Variants in ATP2B2 observed in about 807,000 individuals in gnomAD.
ATP2B2 encodes ATPase plasma membrane Ca2+ transporting 2, also known as plasma membrane calcium-transporting ATPase 2.
Under a neutral mutation model 120.0 loss-of-function variants are expected in ATP2B2, and 15 were observed. The observed-to-expected ratio is 0.12, with a 90% CI of 0.08 to 0.19. ATP2B2 has a LOEUF of 0.19. ATP2B2 is among the 10% of genes least tolerant of loss of function. The probability of loss-of-function intolerance (pLI) is 1.00; values close to 1 mark genes in which losing one functional copy is unlikely to be tolerated. For synonymous variants in ATP2B2, 694 were observed against 700.3 expected (o/e 0.99, Z 0.14); for missense variants, 1,045 against 1,719.8 (o/e 0.61, Z 6.94).
chr3:10,374,997 C>T (rs1250852621), intron 11 of ATP2B2, among the ~76,000 whole-genome samples: 5 of 152,164 alleles, frequency 3.3e-5, no homozygotes, highest in African/African-American at 9.7e-5. Flanking sequence ...CAGACTTCTA[C>T]GTAAATTTGG....
chr3:10,410,714 C>T lies in ATP2B2; in HGVS notation c.301G>A (p.Glu101Lys), dbSNP rs1559301935. Residue 101 changes from glutamate to lysine, a missense_variant, in exon 3 of 23, where the codon GAG becomes AAG. Around this residue, in one of 11 missense-constraint regions of ATP2B2, gnomAD observed 139 missense variants for 134.2 expected, o/e 1.04. Transcript: ENST00000360273. The stretch of plus-strand genomic sequence containing the variant: ...ATGAGCGTCACGTCCTGCAGCGCCT[C>T]CCACACGAGCTGCAGGAAGGTTTTT... ...KPKTFLQLVW[E>K]ALQDVTLIIL... 1 of 1,614,198 alleles carries T rather than the reference C, an allele frequency of 6.2e-7. No homozygotes were observed. Among genetic ancestry groups the T allele is most frequent in the Non-Finnish European group, 8.5e-7 (1 of 1,180,034 alleles).
chr3:10,400,846 G>A, intron 5 of ATP2B2, 107 bp downstream of exon 5: 2 of 1,547,432 alleles, frequency 1.3e-6, no homozygotes, highest in South Asian at 1.1e-5. Flanking sequence ...GGAGATACCA[G>A]AGCCAAGGAT....
chr3:10,638,168 CAG>C (rs1367739928), intron 1 of ATP2B2, among the ~76,000 whole-genome samples: 15 of 152,158 alleles, frequency 9.9e-5, no homozygotes, highest in Middle Eastern at 3.4e-3. Flanking sequence ...AGGAAAATAA[CAG>C]ATGGAAATAC....
intron 1 of ATP2B2, among the ~76,000 whole-genome samples, chr3:10,478,134 G>A (rs576798881): frequency 6.6e-6 from 1 of 152,324 alleles, no homozygotes; most frequent in South Asian, 2.1e-4. Context: ...TAGTGGTGCT[G>A]AGCATTTTTC....
At chr3:10,400,734 C>T (rs547654220) in intron 5 of ATP2B2, among the ~76,000 whole-genome samples, 5 of 152,298 alleles carry the variant, frequency 3.3e-5, no homozygotes, top group East Asian at 3.9e-4. Context: ...CTATTTTATT[C>T]GCCGCAGTCT....
At chr3:10,646,155 T>C (rs1172013977) in intron 1 of ATP2B2, among the ~76,000 whole-genome samples, 1 of 152,206 alleles carries the variant, frequency 6.6e-6, no homozygotes, top group East Asian at 1.9e-4. Flanking sequence ...CCTGTACAAA[T>C]TGTCTATTTG....
intron 2 of ATP2B2, among the ~76,000 whole-genome samples, chr3:10,546,994 C>T (rs979399557): frequency 1.3e-5 from 2 of 152,218 alleles, no homozygotes; most frequent in Non-Finnish European, 2.9e-5. Flanking sequence ...CCATCTGCCA[C>T]ACACCAACTC....
chr3:10,695,818 T>C (rs150953171), intron 1 of ATP2B2, among the ~76,000 whole-genome samples: 24 of 152,350 alleles, frequency 1.6e-4, no homozygotes, highest in Non-Finnish European at 2.9e-4. Flanking sequence ...GTTTGTCACA[T>C]AGCAATTGCT....
At chr3:10,333,676 C>T (rs1269558560) in intron 22 of ATP2B2, among the ~76,000 whole-genome samples, 4 of 152,124 alleles carry the variant, frequency 2.6e-5, no homozygotes. Flanking sequence ...CAGGAGGCAC[C>T]CAGAATTACA....
chr3:10,663,034 T>C (rs1018716194), intron 1 of ATP2B2, among the ~76,000 whole-genome samples: 2 of 135,574 alleles, frequency 1.5e-5, no homozygotes, highest in African/African-American at 2.8e-5. Context: ...TAGGTGGGAA[T>C]TGAACAATGA....
In ATP2B2 at chr3:10,375,205, G is replaced by A. The variant is rs995779318; in HGVS notation, c.1416+225C>T. Among the ~76,000 whole-genome samples the A allele has an allele frequency of 6.6e-6, 1 of 152,240 alleles. No homozygotes were observed. Among genetic ancestry groups the A allele is most frequent in the African/African-American group, 2.4e-5 (1 of 41,458 alleles). ...CGGCGTGTGGCTGGGCTGAATAACA[G>A]CTGCCTCTTCAGCCAGGGTATGGCT... is the stretch of plus-strand genomic sequence containing the variant. On this transcript the variant is annotated intron_variant, in intron 11 of 22. Transcript: ENST00000360273. This position sits in a 1 kb window ranked among gnomAD's most constrained non-coding sequence, Gnocchi z 4.2.
intron 1 of ATP2B2, among the ~76,000 whole-genome samples, chr3:10,476,209 C>G (rs1032574988): frequency 6.6e-6 from 1 of 152,162 alleles, no homozygotes; most frequent in African/African-American, 2.4e-5. Flanking sequence ...CAGGTTGCCC[C>G]AGATCAGGCC....
At chr3:10,451,432 C>G (rs187744249) in intron 1 of ATP2B2, among the ~76,000 whole-genome samples, 2 of 152,204 alleles carry the variant, frequency 1.3e-5, no homozygotes, top group Admixed American at 1.3e-4. Flanking sequence ...AGTCTCTCTT[C>G]CTTACCCCTA....
At chr3:10,438,406 G>T (rs1008240428) in intron 2 of ATP2B2, among the ~76,000 whole-genome samples, 1 of 152,166 alleles carries the variant, frequency 6.6e-6, no homozygotes, top group Non-Finnish European at 1.5e-5. Flanking sequence ...ACTTCCTGGC[G>T]ACTGCTCTGT....
intron 1 of ATP2B2, among the ~76,000 whole-genome samples, chr3:10,688,699 T>C (rs1227794405): frequency 6.6e-6 from 1 of 152,146 alleles, no homozygotes; most frequent in Non-Finnish European, 1.5e-5. Context: ...GGCCAGCGGA[T>C]GCAGCCAAAC....
intron 16 of ATP2B2, 42 bp downstream of exon 16, chr3:10,350,070 G>T: frequency 6.3e-7 from 1 of 1,594,500 alleles, no homozygotes; most frequent in Non-Finnish European, 8.6e-7. Flanking sequence ...CTTCTGGCCT[G>T]GTGCTGGGCT....
intron 1 of ATP2B2, among the ~76,000 whole-genome samples, chr3:10,701,734 C>T (rs2071822200): frequency 6.6e-6 from 1 of 152,052 alleles, no homozygotes; most frequent in Non-Finnish European, 1.5e-5. Context: ...CAGACCCTCT[C>T]CGTATGCCCC....
chr3:10,349,568 C>T (rs1421010165), intron 16 of ATP2B2, among the ~76,000 whole-genome samples: 2 of 152,172 alleles, frequency 1.3e-5, no homozygotes, highest in Non-Finnish European at 2.9e-5. Flanking sequence ...CTTTTGGTCT[C>T]ATCCCTCAGG....
intron 2 of ATP2B2, among the ~76,000 whole-genome samples, chr3:10,597,081 A>ACT (rs1239503448): frequency 6.7e-5 from 10 of 150,308 alleles, no homozygotes; most frequent in African/African-American, 2.2e-4. Context: ...ACACACACAC[A>ACT]CACAGGCACA....
Sources: gnomAD v4.1 joint callset for allele counts (sites outside exome capture counted in the v4.1 genomes callset) on GRCh38, gnomAD v4.1.1 for gene constraint, gnomAD v4.1.1 regional missense constraint, Gnocchi (gnomAD v3.1) non-coding constraint, MANE v1.5 for transcripts, NCBI Gene and HGNC (gene_info 2026-07-23, HGNC 2026-07-21) for gene names.